The following ZNF257 variants were observed in gnomAD, a reference collection of about 807,000 sequenced individuals.
ZNF257 encodes the protein bone marrow zinc finger 4.
In ZNF257, 12 loss-of-function variants were observed where a neutral mutation model predicts 11.9. The ratio of observed to expected loss-of-function variants is 1.01; its 90% confidence interval spans 0.65 to 1.63. The LOEUF is 1.63. ZNF257 is among the 40% of genes most tolerant of loss of function. The pLI is 0.00. For synonymous variants in ZNF257, 183 were observed against 222.7 expected (o/e 0.82, Z 1.59); for missense variants, 580 against 665.5 (o/e 0.87, Z 1.41).
intron 2 of ZNF257, among the ~76,000 whole-genome samples, chr19:22,073,138 C>T (rs2022145713): frequency 6.6e-6 from 1 of 151,880 alleles, no homozygotes; most frequent in Admixed American, 6.6e-5. Flanking sequence ...GAGGTTTCAC[C>T]TTGAACTGAA....
At position 22,088,316 on chromosome 19, in the gene ZNF257, C is replaced by T. The variant is rs376979681; in HGVS notation, c.566C>T (p.Thr189Ile). The change falls in exon 4 of 4, where the codon ACT becomes ATT. Residue 189 changes from threonine (T) to isoleucine (I), a missense_variant. Physicochemically the swap from Thr to Ile is moderately conservative, Grantham distance 89 (BLOSUM62 -1). Coordinates refer to ENST00000594947, the MANE Select transcript of ZNF257 (RefSeq NM_033468.4). The part of the protein sequence containing the change: ...GKSFCMLSQL[T>I]RHKRIHIREN... ...TCATTTTGCATGCTTTCACAACTAA[C>T]TCGACATAAGAGAATTCATATTAGA... 3 of 1,613,490 alleles carry T rather than the reference C, an allele frequency of 1.9e-6. No homozygotes were observed. The African/African-American group carries it at 4.0e-5, about 22-fold the overall frequency.
intron 1 of ZNF257, chr19:22,065,690 T>G (rs920397179): frequency 1.3e-5 from 2 of 152,224 alleles, no homozygotes; most frequent in Non-Finnish European, 2.9e-5. Flanking sequence ...TGTATTTCAC[T>G]AACTTGGAAT....
chr19:22,067,299 C>T (rs1385181415), intron 1 of ZNF257, among the ~76,000 whole-genome samples: 1 of 152,034 alleles, frequency 6.6e-6, no homozygotes, highest in Admixed American at 6.5e-5. Context: ...AGCTCAGAAA[C>T]CCAATCAGAG....
In ZNF257 at chr19:22,088,402, C is replaced by A. The variant is rs780920244; in HGVS notation, c.652C>A (p.Arg218=). 1.9e-6 allele frequency: 3 copies of A among 1,612,778 alleles called. No individual in the cohort carries two copies. Among genetic ancestry groups the A allele is most frequent in the East Asian group, 2.2e-5 (1 of 44,830 alleles). ...CTTTAACCAGTCCTCAGCTCTTACT[C>A]GACATAAGATGACTCATACTGGAGA... ...KAFNQSSALT[R]HKMTHTGEKP... is the part of the protein sequence containing the mutation. The change falls in exon 4 of 4, where the codon CGA becomes AGA. Residue 218 remains arginine, a synonymous_variant. Coordinates refer to ENST00000594947, the MANE Select transcript of ZNF257 (RefSeq NM_033468.4).
intron 3 of ZNF257, among the ~76,000 whole-genome samples, chr19:22,080,868 A>G (rs1026143940): frequency 1.4e-5 from 2 of 144,960 alleles, no homozygotes; most frequent in Non-Finnish European, 3.0e-5. Flanking sequence ...ATTATATTAT[A>G]TATCTATATA....
At chr19:22,052,879 C>CG (rs1971735083) in intron 1 of ZNF257, among the ~76,000 whole-genome samples, 1 of 152,096 alleles carries the variant, frequency 6.6e-6, no homozygotes, top group Non-Finnish European at 1.5e-5. Flanking sequence ...ATCCCTCTCT[C>CG]GGCAGCTCTG....
intron 3 of ZNF257, among the ~76,000 whole-genome samples, chr19:22,077,764 A>C (rs2022260765): frequency 6.6e-6 from 1 of 152,162 alleles, no homozygotes; most frequent in Non-Finnish European, 1.5e-5. Context: ...TGTGTTGCAT[A>C]TTATAGATAT....
intron 1 of ZNF257, among the ~76,000 whole-genome samples, chr19:22,056,406 T>C (rs1477715082): frequency 1.3e-5 from 2 of 152,020 alleles, no homozygotes; most frequent in Non-Finnish European, 2.9e-5. Flanking sequence ...ATCTCAAAGG[T>C]CTGGGATTAC....
intron 1 of ZNF257, chr19:22,066,044 C>T (rs2021936233): frequency 6.6e-6 from 1 of 152,098 alleles, no homozygotes; most frequent in African/African-American, 2.4e-5. Flanking sequence ...CTGGCTATTT[C>T]GATAAATCTT....
intron 1 of ZNF257, among the ~76,000 whole-genome samples, chr19:22,058,803 C>G (rs905881153): frequency 9.9e-5 from 15 of 152,268 alleles, no homozygotes; most frequent in African/African-American, 3.6e-4. Context: ...GATTTCTACC[C>G]AGTCACAAAG....
rs2022601919 is a variant in ZNF257 at position 22,090,454 on chromosome 19, G to C, written c.*1012G>C. ...ACATTTTTTCCATAACTATAGCTTA[G>C]AAAATGCCAGAGAGCTCATACTAAA... On this transcript the variant is annotated 3_prime_UTR_variant, in exon 4 of 4. Coordinates refer to ENST00000594947, the MANE Select transcript of ZNF257 (RefSeq NM_033468.4). 6.6e-6 allele frequency: 1 copy of C among 152,056 alleles called. No homozygotes were observed. Among genetic ancestry groups the C allele is most frequent in the Non-Finnish European group, 1.5e-5 (1 of 67,974 alleles). 9.4% of individuals were successfully genotyped at this position (152,056 alleles called of 1,614,324 possible).
intron 1 of ZNF257, among the ~76,000 whole-genome samples, chr19:22,062,306 C>T (rs28822164): frequency 3.9e-5 from 5 of 127,548 alleles, no homozygotes; most frequent in African/African-American, 8.2e-5. Flanking sequence ...TTGTATTTTT[C>T]GTAGAGACGG....
intron 1 of ZNF257, among the ~76,000 whole-genome samples, chr19:22,056,690 G>C (rs1310745832): frequency 6.6e-6 from 1 of 151,874 alleles, no homozygotes; most frequent in Non-Finnish European, 1.5e-5. Context: ...ATGTTAGCCA[G>C]GATGGTCTCA....
intron 3 of ZNF257, among the ~76,000 whole-genome samples, chr19:22,078,236 T>TA (rs56056830): frequency 0.015 from 1,485 of 102,120 alleles, 24 homozygotes; most frequent in Non-Finnish European, 0.02. Flanking sequence ...AGACTCCAAC[T>TA]AAAAAAAAAA....
At chr19:22,054,207 G>A (rs1036731380) in intron 1 of ZNF257, among the ~76,000 whole-genome samples, 1 of 151,792 alleles carries the variant, frequency 6.6e-6, no homozygotes, top group African/African-American at 2.4e-5. Context: ...GGAGTAGCTG[G>A]GATTACAGGC....
intron 3 of ZNF257, chr19:22,087,520 T>C: frequency 1.7e-6 from 2 of 1,209,314 alleles, no homozygotes; most frequent in African/African-American, 1.6e-5. Flanking sequence ...AAGTATACTA[T>C]TTTTTTTCAG....
chr19:22,088,841 T>C lies in ZNF257; in HGVS notation c.1091T>C (p.Ile364Thr). Residue 364 changes from isoleucine to threonine, a missense_variant, in exon 4 of 4, where the codon ATA (isoleucine) becomes ACA (threonine). Physicochemically the swap from Ile to Thr is moderately conservative, Grantham distance 89. Transcript: ENST00000594947. Reference sequence around the variant, plus strand: ...TCTTCACACCTTACTCAACATAAGATAATTCATACTAAAGAGAAACCCTAC... The same window carrying C: ...TCTTCACACCTTACTCAACATAAGACAATTCATACTAAAGAGAAACCCTAC... ...NRSSHLTQHK[I>T]IHTKEKPYKC... 3.1e-6 allele frequency: 5 copies of C among 1,612,248 alleles called. No homozygotes were observed. Among genetic ancestry groups the C allele is most frequent in the Non-Finnish European group, 3.4e-6 (4 of 1,179,470 alleles).
Position 22,057,460 on chromosome 19 carries a change from T to C in ZNF257, c.3+4825T>C, listed in dbSNP as rs560401882. ...TATCCTGAGAGAAGCTACAGAGCCC[T>C]GGAAAGCCGGGGATCCACAGGCAGA... On this transcript the variant is annotated intron_variant, in intron 1 of 3. Coordinates refer to ENST00000594947, the MANE Select transcript of ZNF257 (RefSeq NM_033468.4). Among the ~76,000 whole-genome samples the C allele has an allele frequency of 5.5e-3, 833 of 152,188 alleles. 2 individuals are homozygous for C. Among genetic ancestry groups the C allele is most frequent in the African/African-American group, 0.018 (765 of 41,534 alleles).
chr19:22,067,051 GAGGGGACTTTCCCTCTC>G (rs1168030859), intron 1 of ZNF257, among the ~76,000 whole-genome samples: 12 of 151,890 alleles, frequency 7.9e-5, no homozygotes, highest in African/African-American at 2.9e-4. Context: ...CTTTACTCTA[GAGGGGACTTTCCCTCTC>G]AGGCTTCCAG....
Sources: allele counts gnomAD v4.1 joint callset (sites outside exome capture counted in the v4.1 genomes callset), GRCh38; gene constraint gnomAD v4.1.1; transcripts MANE v1.5; gene names NCBI Gene and HGNC (gene_info 2026-07-23, HGNC 2026-07-21).